The following PDZD2 variants were observed in gnomAD, a reference collection of about 807,000 sequenced individuals.
PDZD2 encodes the protein PDZ domain containing 2, also known as PDZ domain-containing protein 2.
PDZD2 carries 90 observed loss-of-function variants against 220.7 expected under a neutral mutation model. The observed-to-expected ratio is 0.41, with a 90% CI of 0.34 to 0.49. The LOEUF (loss-of-function observed/expected upper bound fraction) is 0.49. Among genes scored for constraint, PDZD2 ranks in the 20% least tolerant of loss-of-function variants. The pLI, the probability that PDZD2 is intolerant of heterozygous loss-of-function variation, is 0.28. For synonymous variants in PDZD2, 1,375 were observed against 1,450.5 expected, an observed-to-expected ratio of 0.95 and a Z score of 1.18; for missense variants, 3,174 against 3,608.5, an observed-to-expected ratio of 0.88 and a Z score of 3.08.
intron 19 of PDZD2, among the ~76,000 whole-genome samples, chr5:32,080,070 C>T (rs965004129): frequency 2.9e-4 from 44 of 152,024 alleles, no homozygotes; most frequent in African/African-American, 9.6e-4. Context: ...TCTATTTGGC[C>T]GGGCGCAGTG....
intron 2 of PDZD2, among the ~76,000 whole-genome samples, chr5:31,848,918 A>G (rs186728313): frequency 0.01 from 1,535 of 151,586 alleles, 27 homozygotes; most frequent in African/African-American, 0.034. Flanking sequence ...GCGTGGTGGC[A>G]GGCGCCTGTA....
chr5:31,947,277 T>G (rs1382403838), intron 2 of PDZD2, among the ~76,000 whole-genome samples: 1 of 152,240 alleles, frequency 6.6e-6, no homozygotes, highest in Non-Finnish European at 1.5e-5. Flanking sequence ...TTCTGGGCTG[T>G]CGCGTTAGAA....
chr5:31,906,260 G>A (rs1488404309), intron 2 of PDZD2, among the ~76,000 whole-genome samples: 1 of 138,456 alleles, frequency 7.2e-6, no homozygotes, highest in African/African-American at 2.6e-5. Flanking sequence ...CCAAATGTTC[G>A]CTGATTTTGT....
At chr5:31,920,099 C>T (rs960394246) in intron 2 of PDZD2, among the ~76,000 whole-genome samples, 5 of 150,986 alleles carry the variant, frequency 3.3e-5, no homozygotes, top group East Asian at 2.0e-4. Context: ...GCCTGGGCAA[C>T]GTGACAAAAC....
chr5:31,679,937 T>C (rs1746587722), intron 1 of PDZD2, among the ~76,000 whole-genome samples: 1 of 152,228 alleles, frequency 6.6e-6, no homozygotes, highest in African/African-American at 2.4e-5. Context: ...TAAACTTACA[T>C]AAAAGCACAC....
At position 31,908,427 on chromosome 5, in the gene PDZD2, C is replaced by T. The variant is rs937117993; in HGVS notation, c.477-74728C>T. The T allele has an allele frequency of 2.2e-5, 12 of 555,724 alleles. No individual in the cohort carries two copies. The East Asian group carries it at 3.0e-4, about 14-fold the overall frequency. The allele number at this position is 555,724 out of a possible 1,614,324, so 34.4% of individuals were successfully genotyped here. A position where few individuals can be genotyped will look rare whatever the true frequency, so the allele number is the denominator to read the frequency against. On this transcript the variant is annotated intron_variant, in intron 2 of 24. Coordinates refer to ENST00000438447, the MANE Select transcript of PDZD2 (RefSeq NM_178140.4). ...TTCACGAGATCCGGGAGATCTCAGA[C>T]TGGCTGTGCGTGGAAGTGGAGGCGA...
At chr5:31,735,254 G>C (rs1749787254) in intron 1 of PDZD2, among the ~76,000 whole-genome samples, 1 of 152,168 alleles carries the variant, frequency 6.6e-6, no homozygotes, top group Non-Finnish European at 1.5e-5. Context: ...AATTGTGTTC[G>C]CACAGCTCAC....
intron 2 of PDZD2, among the ~76,000 whole-genome samples, chr5:31,837,647 T>C (rs1757026321): frequency 6.6e-6 from 1 of 152,036 alleles, no homozygotes. Flanking sequence ...TCACTTGAAC[T>C]TGGGAGGCAG....
chr5:31,766,325 AT>A (rs1383553723), intron 1 of PDZD2, among the ~76,000 whole-genome samples: 1 of 152,168 alleles, frequency 6.6e-6, no homozygotes, highest in African/African-American at 2.4e-5. Context: ...AGATGCTAAT[AT>A]AAAAAAAGAA....
At chr5:31,827,588 G>A (rs577233996) in intron 2 of PDZD2, among the ~76,000 whole-genome samples, 5 of 152,008 alleles carry the variant, frequency 3.3e-5, no homozygotes, top group Middle Eastern at 6.8e-3. Context: ...AGCTACTCAG[G>A]AGGCTGAGGC....
In PDZD2 at chr5:31,875,476, C is replaced by T. The variant is rs917942290; in HGVS notation, c.476+75752C>T. Among the ~76,000 whole-genome samples the T allele has an allele frequency of 1.2e-4, 18 of 151,124 alleles. No homozygotes were observed. The East Asian group carries it at 1.4e-3, about 11-fold the overall frequency. ...TCGCTCATGCCTGTAATCCTGGCGA[C>T]TTAGGAGGCTGAGATGGGAGAATTG... On this transcript the variant is annotated intron_variant, in intron 2 of 24. Coordinates refer to ENST00000438447, the MANE Select transcript of PDZD2 (RefSeq NM_178140.4).
rs283108 is a variant in PDZD2 at position 32,101,336 on chromosome 5, C to T, written c.8353+97C>T. The T allele has an allele frequency of 3.1e-3, 3,472 of 1,127,634 alleles. 99 individuals carry two copies. The African/African-American group carries it at 0.05, about 16-fold the overall frequency. 69.9% of individuals were successfully genotyped at this position (1,127,634 alleles called of 1,614,324 possible). A position where few individuals can be genotyped will look rare whatever the true frequency, so the allele number is the denominator to read the frequency against. ...TGCCTTCCATTTAGAAATCAAAAAA[C>T]CTAAACTGTTTTTAATGCTTTGTGA... is the stretch of plus-strand genomic sequence containing the variant. On this transcript the variant is annotated intron_variant, in intron 24 of 24. Transcript: ENST00000438447.
intron 1 of PDZD2, among the ~76,000 whole-genome samples, chr5:31,710,332 T>G (rs6450854): frequency 0.53 from 80,114 of 151,992 alleles, 21,356 homozygotes; most frequent in African/African-American, 0.6. Flanking sequence ...GGAGGTAAGT[T>G]TAAGTAAATT....
Position 32,089,948 on chromosome 5 carries a change from T to C in PDZD2, c.6500T>C (p.Leu2167Pro). The change falls in exon 20 of 25, where the codon CTG becomes CCG. Residue 2167 changes from leucine to proline, a missense_variant. Leu to Pro is a moderately conservative substitution (Grantham distance 98). This residue lies in a region of PDZD2 where 1,861 missense variants were observed against 2,001.0 expected (regional missense o/e 0.93). Coordinates refer to ENST00000438447, the MANE Select transcript of PDZD2 (RefSeq NM_178140.4). ...EMSRSFSMAK[L>P]ASSSSSLQTA... ...TCACGATCATTCAGCATGGCAAAAC[T>C]GGCGTCCTCCTCCTCCTCCCTTCAA... The C allele has an allele frequency of 6.2e-7, 1 of 1,608,166 alleles. No homozygotes were observed. Among genetic ancestry groups the C allele is most frequent in the Non-Finnish European group, 8.5e-7 (1 of 1,177,040 alleles).
intron 1 of PDZD2, among the ~76,000 whole-genome samples, chr5:31,691,451 GCCTGCTTTTATTCTCTTACCTGGCGCCA>G (rs1423044867): frequency 0.026 from 3,342 of 130,384 alleles, 25 homozygotes; most frequent in Admixed American, 0.028. Context: ...GGCTGGGGCA[GCCTGCTTTTATTCTCTTACCTGGCGCCA>G]CCTGCTTTTA....
chr5:31,971,031 C>T (rs1458650949), intron 2 of PDZD2, among the ~76,000 whole-genome samples: 1 of 152,228 alleles, frequency 6.6e-6, no homozygotes, highest in African/African-American at 2.4e-5. Flanking sequence ...ATAGACCCTT[C>T]CCCAGAAAGC....
chr5:31,752,580 C>T (rs71627324), intron 1 of PDZD2, among the ~76,000 whole-genome samples: 4,970 of 143,902 alleles, frequency 0.035, 112 homozygotes, highest in Middle Eastern at 0.048. Flanking sequence ...ATAAAATAGG[C>T]GTTTTTTTTT....
chr5:31,861,883 G>A (rs879665929), intron 2 of PDZD2, among the ~76,000 whole-genome samples: 4 of 151,936 alleles, frequency 2.6e-5, no homozygotes, highest in South Asian at 2.1e-4. Flanking sequence ...TGTATTTTCC[G>A]GTCTGACTCA....
chr5:31,870,541 T>A lies in PDZD2; in HGVS notation c.476+70817T>A, dbSNP rs115281698. ...TATCCCAGAGCATCTGACCTCACAG[T>A]AGCAAGTGTCAGGTTTCTTTGTAAA... On this transcript the variant is annotated intron_variant, in intron 2 of 24. Coordinates refer to ENST00000438447, the MANE Select transcript of PDZD2 (RefSeq NM_178140.4). Among the ~76,000 whole-genome samples the A allele has an allele frequency of 4.2e-3, 636 of 152,264 alleles. 5 individuals are homozygous for A. The highest frequency in any genetic ancestry group is 6.9e-3 in the Non-Finnish European group (466 of 68,010).
Sources: gnomAD v4.1 joint callset for allele counts (sites outside exome capture counted in the v4.1 genomes callset) on GRCh38, gnomAD v4.1.1 for gene constraint, gnomAD v4.1.1 regional missense constraint, MANE v1.5 for transcripts, NCBI Gene and HGNC (gene_info 2026-07-23, HGNC 2026-07-21) for gene names.